Variants in SCFD2 observed in about 807,000 individuals in gnomAD.
SCFD2 encodes sec1 family domain-containing protein 2.
In SCFD2, 54 loss-of-function variants were observed where a neutral mutation model predicts 58.9. The ratio of observed to expected loss-of-function variants is 0.92; its 90% CI spans 0.74 to 1.15. The LOEUF (loss-of-function observed/expected upper bound fraction) is 1.15. Ranked by LOEUF, SCFD2 falls within the 50% of genes most tolerant of loss-of-function variation. The pLI, the probability that SCFD2 is intolerant of heterozygous loss-of-function variation, is 0.00. For synonymous variants in SCFD2, 321 were observed against 335.9 expected (o/e 0.96, Z 0.49); for missense variants, 805 against 836.6 (o/e 0.96, Z 0.47).
Position 53,097,572 on chromosome 4 carries a change from T to G in SCFD2, c.1561+47761A>C, listed in dbSNP as rs536554170. ...ATTTTTGCACATTGATTTTGTATCC[T>G]GAGACTTTGCTGAAGTTGCTTATCA... On this transcript the variant is annotated intron_variant, in intron 5 of 8. Transcript: ENST00000401642. Among the ~76,000 whole-genome samples, 176 of 152,322 alleles carry G rather than the reference T, an allele frequency of 1.2e-3. 1 individual carries two copies. The highest frequency in any genetic ancestry group is 2.0e-3 in the Admixed American group (30 of 15,302).
chr4:53,088,708 T>A (rs1281875211), intron 5 of SCFD2, among the ~76,000 whole-genome samples: 1 of 152,074 alleles, frequency 6.6e-6, no homozygotes, highest in East Asian at 1.9e-4. Context: ...CTGATTTAGA[T>A]GATATTTAGG....
chr4:52,974,618 T>C (rs546072982), intron 5 of SCFD2, among the ~76,000 whole-genome samples: 79 of 150,970 alleles, frequency 5.2e-4, no homozygotes, highest in East Asian at 1.7e-3. Flanking sequence ...AGATTCAATG[T>C]CATCCCCATC....
intron 3 of SCFD2, among the ~76,000 whole-genome samples, chr4:53,300,857 A>C (rs1034469538): frequency 2.6e-5 from 4 of 152,208 alleles, no homozygotes; most frequent in East Asian, 1.9e-4. Flanking sequence ...CTACTGGGTA[A>C]ATAATGAAAT....
intron 2 of SCFD2, among the ~76,000 whole-genome samples, chr4:53,347,092 G>A (rs1734079372): frequency 6.6e-6 from 1 of 152,174 alleles, no homozygotes; most frequent in South Asian, 2.1e-4. Flanking sequence ...CAGTGTAAGA[G>A]GTAGCTAATG....
intron 4 of SCFD2, among the ~76,000 whole-genome samples, chr4:53,151,874 G>A (rs771905886): frequency 1.5e-4 from 23 of 152,330 alleles, no homozygotes; most frequent in Non-Finnish European, 2.9e-4. Flanking sequence ...GAAGGCAAAG[G>A]GGGTGCTCAG....
rs534000280 is a variant in SCFD2, at chr4:52,963,312, C to T, written c.1562-42442G>A. 2.0e-5 allele frequency among the ~76,000 whole-genome samples: 3 copies of T among 152,284 alleles called. No individual in the cohort carries two copies. In the East Asian group the frequency reaches 5.8e-4, roughly 29 times the overall value. On this transcript the variant is annotated intron_variant, in intron 5 of 8. Coordinates refer to ENST00000401642, the MANE Select transcript of SCFD2 (RefSeq NM_152540.4). ...TCTCTGTTGTTTTCTCCTGATGCAA[C>T]GTAAGGTTGGAGGAGAAGTGAGAAT...
rs149671640 is a variant in SCFD2 at position 52,904,215 on chromosome 4, C to T, written c.1842+3242G>A. 3.9e-5 allele frequency among the ~76,000 whole-genome samples: 6 copies of T among 152,294 alleles called. 1 individual carries two copies. The highest frequency in any genetic ancestry group is 1.2e-4 in the African/African-American group (5 of 41,574). Reference sequence around the variant, plus strand: ...CAGGAACAGGACAGAGATGGATGAGCGGCTCAGCTAGAGCCTTTCAAGTTC... The same window carrying T: ...CAGGAACAGGACAGAGATGGATGAGTGGCTCAGCTAGAGCCTTTCAAGTTC... On this transcript the variant is annotated intron_variant, in intron 7 of 8. Coordinates refer to ENST00000401642, the MANE Select transcript of SCFD2 (RefSeq NM_152540.4).
intron 3 of SCFD2, among the ~76,000 whole-genome samples, chr4:53,277,705 A>T (rs1173289016): frequency 6.6e-6 from 1 of 152,178 alleles, no homozygotes; most frequent in Non-Finnish European, 1.5e-5. Context: ...ATCTGCTCAG[A>T]TTTCTATTGT....
At chr4:53,094,321 C>T (rs1280678341) in intron 5 of SCFD2, among the ~76,000 whole-genome samples, 1 of 152,100 alleles carries the variant, frequency 6.6e-6, no homozygotes, top group Non-Finnish European at 1.5e-5. Flanking sequence ...ATTCTGGAGT[C>T]TAGAAGTCCA....
chr4:53,232,307 GA>G (rs1457990824), intron 4 of SCFD2, among the ~76,000 whole-genome samples: 4 of 152,114 alleles, frequency 2.6e-5, no homozygotes, highest in Non-Finnish European at 5.9e-5. Flanking sequence ...CTACAATAAA[GA>G]TTTTTTTTAA....
intron 5 of SCFD2, among the ~76,000 whole-genome samples, chr4:52,974,616 T>C (rs1410651880): frequency 7.9e-5 from 12 of 152,290 alleles, no homozygotes. Flanking sequence ...ATAGATTCAA[T>C]GTCATCCCCA....
In SCFD2 at chr4:53,254,213, T is replaced by C. The variant is rs149698645; in HGVS notation, c.1311+19613A>G. On this transcript the variant is annotated intron_variant, in intron 4 of 8. Coordinates refer to ENST00000401642, the MANE Select transcript of SCFD2 (RefSeq NM_152540.4). ...ATCTCACCTTGAATCGTAATCCCCATAATCCTCACGTGTCAAAAGCAGGAC... is the reference window on the plus strand; with the variant it reads ...ATCTCACCTTGAATCGTAATCCCCACAATCCTCACGTGTCAAAAGCAGGAC... Among the ~76,000 whole-genome samples, 193 of 152,280 alleles carry C rather than the reference T, an allele frequency of 1.3e-3. No individual in the cohort carries two copies. In the East Asian group the frequency reaches 0.021, roughly 16 times the overall value.
chr4:52,928,164 G>A (rs1329048846), intron 5 of SCFD2, among the ~76,000 whole-genome samples: 2 of 151,870 alleles, frequency 1.3e-5, no homozygotes, highest in Non-Finnish European at 2.9e-5. Flanking sequence ...GCAAGACTCT[G>A]TCTCTACAAA....
At chr4:53,098,425 T>C (rs982384124) in intron 5 of SCFD2, among the ~76,000 whole-genome samples, 8 of 152,218 alleles carry the variant, frequency 5.3e-5, no homozygotes, top group Non-Finnish European at 1.0e-4. Context: ...GAATTCAACT[T>C]CTTTGTGGTT....
At chr4:52,988,761 A>T (rs773214110) in intron 5 of SCFD2, among the ~76,000 whole-genome samples, 3 of 152,144 alleles carry the variant, frequency 2.0e-5, no homozygotes, top group Admixed American at 6.5e-5. Context: ...ACAGGAATAC[A>T]TTTCCATTTT....
At chr4:53,168,006 CAAT>C (rs919450547) in intron 4 of SCFD2, among the ~76,000 whole-genome samples, 109 of 152,230 alleles carry the variant, frequency 7.2e-4, no homozygotes, top group African/African-American at 2.6e-3. Context: ...ACACACAATA[CAAT>C]AATATATAAA....
intron 3 of SCFD2, among the ~76,000 whole-genome samples, chr4:53,287,209 G>A (rs903150542): frequency 5.9e-5 from 9 of 152,108 alleles, no homozygotes; most frequent in African/African-American, 1.9e-4. Context: ...CATCACAGGT[G>A]TCACAGTAGT....
intron 5 of SCFD2, among the ~76,000 whole-genome samples, chr4:52,945,433 C>G (rs139594238): frequency 0.012 from 1,851 of 152,306 alleles, 37 homozygotes; most frequent in African/African-American, 0.042. Flanking sequence ...TCCTCTCCCC[C>G]TCAACACATA....
intron 5 of SCFD2, among the ~76,000 whole-genome samples, chr4:52,958,988 G>T (rs1312127744): frequency 6.6e-6 from 1 of 152,090 alleles, no homozygotes; most frequent in Non-Finnish European, 1.5e-5. Flanking sequence ...TTGACAATTG[G>T]TATTATTACA....
Sources: gnomAD v4.1 joint callset for allele counts (sites outside exome capture counted in the v4.1 genomes callset) on GRCh38, gnomAD v4.1.1 for gene constraint, MANE v1.5 for transcripts, NCBI Gene and HGNC (gene_info 2026-07-23, HGNC 2026-07-21) for gene names.